WIPI1: variants seen among roughly 807,000 people sequenced by gnomAD.
The protein encoded by WIPI1 is WD repeat domain phosphoinositide-interacting protein 1.
Under a neutral mutation model 55.3 loss-of-function variants are expected in WIPI1, and 45 were observed. That is an observed-to-expected ratio of 0.81 (90% confidence interval 0.64 to 1.04). WIPI1 has a LOEUF of 1.04. Ranked by LOEUF, WIPI1 falls within the 50% of genes least tolerant of loss-of-function variation. The probability of loss-of-function intolerance (pLI) is 0.00; values close to 1 mark genes in which losing one functional copy is unlikely to be tolerated. For synonymous variants in WIPI1, 195 were observed against 217.6 expected (o/e 0.90, Z 0.92); for missense variants, 445 against 559.0 (o/e 0.80, Z 2.06).
chr17:68,437,947 TTAAAA>T lies in WIPI1; in HGVS notation c.431-1473_431-1469del, dbSNP rs2083893721. Reference sequence around the variant, plus strand: ...AGATCACGCAAGAGAGACATCTCTCTTAAAAAAAAAAAAAAAAAAAAAAAAAGTGA... The same window carrying T: ...AGATCACGCAAGAGAGACATCTCTCTAAAAAAAAAAAAAAAAAAAAAGTGA... On this transcript the variant is annotated intron_variant, in intron 4 of 12. Transcript: ENST00000262139. 6.8e-5 allele frequency among the ~76,000 whole-genome samples: 4 copies of T among 58,808 alleles called. 1 individual carries two copies. The highest frequency in any genetic ancestry group is 1.5e-4 in the African/African-American group (2 of 13,664). The allele number at this position is 58,808 out of a possible 152,430, so 38.6% of individuals were successfully genotyped here.
intron 8 of WIPI1, among the ~76,000 whole-genome samples, chr17:68,430,601 C>A (rs536815522): frequency 2.6e-5 from 4 of 152,290 alleles, no homozygotes; most frequent in South Asian, 2.1e-4. Context: ...GGGTAGCAAA[C>A]CTCCGGGCAA....
chr17:68,451,683 T>A (rs116387307), intron 2 of WIPI1, among the ~76,000 whole-genome samples: 1,727 of 152,308 alleles, frequency 0.011, 31 homozygotes, highest in African/African-American at 0.039. Context: ...GGGGTGCCAA[T>A]ATGGGAGGGG....
At chr17:68,428,243 T>TA (rs2083336363) in intron 10 of WIPI1, 3 of 151,654 alleles carry the variant, frequency 2.0e-5, no homozygotes, top group African/African-American at 7.3e-5. Flanking sequence ...TTTTTTTTTT[T>TA]ATTTTGAGAC....
chr17:68,421,461 A>G lies in WIPI1; in HGVS notation c.*312T>C, dbSNP rs1486369557. 3 of 362,900 alleles carry G rather than the reference A, an allele frequency of 8.3e-6. No individual in the cohort carries two copies. The highest frequency in any genetic ancestry group is 1.5e-5 in the Non-Finnish European group (3 of 194,054). 22.5% of individuals were successfully genotyped at this position (362,900 alleles called of 1,614,324 possible). ...TAAGTACATTTTTTACACGGCATAT[A>G]TTTAAAAAGGAGGCCCCTTTTAATA... On this transcript the variant is annotated 3_prime_UTR_variant, in exon 13 of 13. Coordinates refer to ENST00000262139, the MANE Select transcript of WIPI1 (RefSeq NM_017983.7).
At chr17:68,441,551 A>G (rs963724417) in intron 4 of WIPI1, among the ~76,000 whole-genome samples, 4 of 152,218 alleles carry the variant, frequency 2.6e-5, no homozygotes, top group Non-Finnish European at 5.9e-5. Flanking sequence ...TGGGGAATGT[A>G]TAATTGGCAG....
chr17:68,429,535 A>C (rs2083414363), intron 9 of WIPI1, among the ~76,000 whole-genome samples: 1 of 152,098 alleles, frequency 6.6e-6, no homozygotes, highest in African/African-American at 2.4e-5. Context: ...ATCCGTATTG[A>C]AGTCAGATAG....
chr17:68,441,884 GAC>G (rs2084094097), intron 4 of WIPI1, among the ~76,000 whole-genome samples: 1 of 152,192 alleles, frequency 6.6e-6, no homozygotes, highest in Non-Finnish European at 1.5e-5. Context: ...GGTCTAAAAA[GAC>G]ACAGTTTGCT....
intron 6 of WIPI1, 76 bp downstream of exon 6, chr17:68,435,544 G>C: frequency 6.9e-7 from 1 of 1,443,204 alleles, no homozygotes; most frequent in South Asian, 1.1e-5. Context: ...CACCAGGTTT[G>C]TTCAATCCCA....
chr17:68,457,405 G>GCGGCCT lies in WIPI1; in HGVS notation c.11_16dup (p.Glu4_Ala5dup). ...CTCAACCCCGCCCGGGGGAGCGTCC[G>GCGGCCT]CGGCCTCGGCCTCCATCGGGGGCTC... On this transcript the variant is annotated inframe_insertion, in exon 1 of 13. Coordinates refer to ENST00000262139, the MANE Select transcript of WIPI1 (RefSeq NM_017983.7). The GCGGCCT allele has an allele frequency of 6.6e-7, 1 of 1,523,802 alleles. No individual in the cohort carries two copies. Among genetic ancestry groups the GCGGCCT allele is most frequent in the Non-Finnish European group, 8.8e-7 (1 of 1,137,030 alleles). The allele number at this position is 1,523,802 out of a possible 1,614,324, so 94.4% of individuals were successfully genotyped here.
intron 8 of WIPI1, among the ~76,000 whole-genome samples, chr17:68,432,542 G>C (rs546809898): frequency 2.0e-5 from 3 of 152,256 alleles, no homozygotes; most frequent in African/African-American, 4.8e-5. Flanking sequence ...AGGTCCGCAT[G>C]TGTCAGCATT....
chr17:68,439,325 C>T (rs556602311), intron 4 of WIPI1, among the ~76,000 whole-genome samples: 1 of 152,250 alleles, frequency 6.6e-6, no homozygotes, highest in South Asian at 2.1e-4. Context: ...ATACATGCTA[C>T]AACACAGAAG....
chr17:68,434,182 T>A (rs934260278), intron 7 of WIPI1, among the ~76,000 whole-genome samples: 1 of 152,198 alleles, frequency 6.6e-6, no homozygotes, highest in African/African-American at 2.4e-5. Context: ...TGTGCACTGA[T>A]CTGGCTGCAA....
At chr17:68,455,323 C>T (rs912205692) in intron 1 of WIPI1, among the ~76,000 whole-genome samples, 1 of 145,978 alleles carries the variant, frequency 6.9e-6, no homozygotes, top group Admixed American at 7.0e-5. Flanking sequence ...AAGACCACAC[C>T]ACTGCACTCC....
intron 3 of WIPI1, among the ~76,000 whole-genome samples, chr17:68,447,303 A>C (rs1275371459): frequency 6.6e-6 from 1 of 152,240 alleles, no homozygotes; most frequent in East Asian, 1.9e-4. Flanking sequence ...ATATTTCCTC[A>C]GTTCAATACA....
At chr17:68,454,456 C>T (rs1425940962) in intron 1 of WIPI1, among the ~76,000 whole-genome samples, 2 of 152,176 alleles carry the variant, frequency 1.3e-5, no homozygotes, top group Non-Finnish European at 2.9e-5. Context: ...CCCTGGGACA[C>T]AGGGATAGGG....
At chr17:68,445,731 C>T (rs942220743) in intron 3 of WIPI1, among the ~76,000 whole-genome samples, 1 of 152,216 alleles carries the variant, frequency 6.6e-6, no homozygotes, top group South Asian at 2.1e-4. Context: ...TAGCCCAGTA[C>T]AAGGGCAGAC....
Position 68,444,676 on chromosome 17 carries a change from C to A in WIPI1, c.334-87G>T, listed in dbSNP as rs552327850. 1.5e-4 allele frequency: 168 copies of A among 1,115,028 alleles called. No homozygotes were observed. The Admixed American group carries it at 2.7e-3, about 18-fold the overall frequency. The allele number at this position is 1,115,028 out of a possible 1,614,324, so 69.1% of individuals were successfully genotyped here. On this transcript the variant is annotated intron_variant, in intron 3 of 12. Transcript: ENST00000262139. ...CAAATCATTCATCTTTCATATGAGT[C>A]CTAACTTGATTCTAAGCCTAAAGCA...
At chr17:68,434,020 T>C (rs1308183837) in intron 7 of WIPI1, among the ~76,000 whole-genome samples, 1 of 152,008 alleles carries the variant, frequency 6.6e-6, no homozygotes, top group Non-Finnish European at 1.5e-5. Flanking sequence ...TCTGCCTGCC[T>C]TGGCCTCCCA....
chr17:68,454,393 A>G (rs914130676), intron 1 of WIPI1, among the ~76,000 whole-genome samples: 4 of 152,240 alleles, frequency 2.6e-5, no homozygotes, highest in African/African-American at 9.6e-5. Flanking sequence ...AAAAAAGAGA[A>G]GGTCACATGA....
Sources: gnomAD v4.1 joint callset for allele counts (sites outside exome capture counted in the v4.1 genomes callset) on GRCh38, gnomAD v4.1.1 for gene constraint, MANE v1.5 for transcripts, NCBI Gene and HGNC (gene_info 2026-07-23, HGNC 2026-07-21) for gene names.